The following ITSN1 variants were observed in gnomAD, a reference collection of about 807,000 sequenced individuals.
ITSN1 encodes intersectin-1.
Under a neutral mutation model 239.8 loss-of-function variants are expected in ITSN1, and 58 were observed. The observed-to-expected ratio is 0.24, with a 90% CI of 0.20 to 0.30. The LOEUF (loss-of-function observed/expected upper bound fraction) is 0.30, where lower values mean the gene tolerates loss of function less well. Ranked by LOEUF, ITSN1 falls within the 10% of genes least tolerant of loss-of-function variation. The pLI is 1.00. For synonymous variants in ITSN1, 780 were observed against 770.8 expected (o/e 1.01, Z -0.20); for missense variants, 1,558 against 2,103.3 (o/e 0.74, Z 5.07).
chr21:33,649,482 T>TTA (rs1460743781), intron 1 of ITSN1, among the ~76,000 whole-genome samples: 2 of 152,188 alleles, frequency 1.3e-5, no homozygotes, highest in African/African-American at 4.8e-5. Flanking sequence ...GTAGCTTGCT[T>TTA]TATTAGCTTA....
chr21:33,845,380 C>T (rs928628483), intron 29 of ITSN1, among the ~76,000 whole-genome samples: 44 of 152,250 alleles, frequency 2.9e-4, no homozygotes, highest in Non-Finnish European at 3.5e-4. Flanking sequence ...ACTGAGTCTT[C>T]GACCTGGTCT....
intron 31 of ITSN1, among the ~76,000 whole-genome samples, chr21:33,862,351 T>G (rs1244515923): frequency 6.6e-6 from 1 of 152,172 alleles, no homozygotes; most frequent in African/African-American, 2.4e-5. Flanking sequence ...TGACTCATCT[T>G]CTTTTTAACT....
intron 35 of ITSN1, among the ~76,000 whole-genome samples, chr21:33,883,252 A>G (rs1248038841): frequency 6.6e-6 from 1 of 152,206 alleles, no homozygotes; most frequent in African/African-American, 2.4e-5. Context: ...GGGAACCCAT[A>G]TTTATCATAT....
chr21:33,734,704 A>C (rs1601907443), intron 4 of ITSN1, among the ~76,000 whole-genome samples: 1 of 152,186 alleles, frequency 6.6e-6, no homozygotes, highest in South Asian at 2.1e-4. Flanking sequence ...CATTGGTTTT[A>C]GTTTATTCAC....
chr21:33,891,814 G>T lies in ITSN1; in HGVS notation c.*3514G>T. On this transcript the variant is annotated 3_prime_UTR_variant, in exon 40 of 40. Transcript: ENST00000381318. ...AGTAGGCCAGTACCTTGTATAAGCA[G>T]AAAAAGACTTCTCTATCTCCACTCC... 1 of 152,168 alleles carries T rather than the reference G, an allele frequency of 6.6e-6. No individual in the cohort carries two copies. The highest frequency in any genetic ancestry group is 1.9e-4 in the East Asian group (1 of 5,198). The allele number at this position is 152,168 out of a possible 1,614,324, so 9.4% of individuals were successfully genotyped here.
rs1178445112 is a variant in ITSN1, at chr21:33,886,278, T to C, written c.4844-9T>C. On this transcript the variant is annotated splice_polypyrimidine_tract_variant and intron_variant, in intron 38 of 39. Transcript: ENST00000381318. Reference sequence around the variant, plus strand: ...AGTTCCACCTGGCGAAGGCTTTTGTTCCCTCCAGGAAAGAGCAACCCGTAC... The same window carrying C: ...AGTTCCACCTGGCGAAGGCTTTTGTCCCCTCCAGGAAAGAGCAACCCGTAC... 11 of 1,610,394 alleles carry C rather than the reference T, an allele frequency of 6.8e-6. No individual in the cohort carries two copies. The highest frequency in any genetic ancestry group is 9.3e-6 in the Non-Finnish European group (11 of 1,178,838).
chr21:33,649,540 G>A (rs1162687938), intron 1 of ITSN1, among the ~76,000 whole-genome samples: 2 of 152,114 alleles, frequency 1.3e-5, no homozygotes, highest in African/African-American at 2.4e-5. Flanking sequence ...CAGCTCTCTG[G>A]ACTGAGTTTG....
chr21:33,864,841 C>T lies in ITSN1; in HGVS notation c.3891-310C>T, dbSNP rs535779348. Reference sequence around the variant, plus strand: ...CACATCAACCTGGGGCTTTCACCACCGATAATCTGTGTAGTGAGGCATCGA... The same window carrying T: ...CACATCAACCTGGGGCTTTCACCACTGATAATCTGTGTAGTGAGGCATCGA... On this transcript the variant is annotated intron_variant, in intron 31 of 39. Transcript: ENST00000381318. 8.5e-5 allele frequency among the ~76,000 whole-genome samples: 13 copies of T among 152,176 alleles called. No homozygotes were observed. In the East Asian group the frequency reaches 1.7e-3, roughly 20 times the overall value.
At chr21:33,747,995 G>A (rs1169729402) in intron 5 of ITSN1, among the ~76,000 whole-genome samples, 1 of 152,052 alleles carries the variant, frequency 6.6e-6, no homozygotes, top group Non-Finnish European at 1.5e-5. Context: ...ATTGTATAAA[G>A]TAATAATTAT....
At chr21:33,702,115 T>TAAA (rs1568975034) in intron 1 of ITSN1, among the ~76,000 whole-genome samples, 1 of 998 alleles carries the variant, frequency 1.0e-3, no homozygotes, top group African/African-American at 4.8e-3. Flanking sequence ...TTTTTTTTTT[T>TAAA]TTTTTTTTTT....
At chr21:33,747,206 C>T (rs980023604) in intron 5 of ITSN1, among the ~76,000 whole-genome samples, 14 of 152,152 alleles carry the variant, frequency 9.2e-5, no homozygotes, top group Non-Finnish European at 1.5e-4. Context: ...AAATTTACCA[C>T]AGGGTCTTAA....
intron 4 of ITSN1, among the ~76,000 whole-genome samples, chr21:33,730,388 CTTTTTTTTTTTTTTTTT>C (rs71194863): frequency 2.0e-5 from 1 of 49,348 alleles, no homozygotes. Context: ...GCTCTCTGTT[CTTTTTTTTTTTTTTTTT>C]TTTTTTTTTT....
chr21:33,828,803 C>T lies in ITSN1; in HGVS notation c.3230-821C>T, dbSNP rs2074120671. On this transcript the variant is annotated intron_variant, in intron 26 of 39. Coordinates refer to ENST00000381318, the MANE Select transcript of ITSN1 (RefSeq NM_003024.3). Reference sequence around the variant, plus strand: ...CAGAGAAGGGTTCTGTCTCTTCATACTCAGTCTCCTGGGCCCGTGGAAATG... The same window carrying T: ...CAGAGAAGGGTTCTGTCTCTTCATATTCAGTCTCCTGGGCCCGTGGAAATG... Among the ~76,000 whole-genome samples the T allele has an allele frequency of 2.6e-5, 4 of 152,292 alleles. No individual in the cohort carries two copies. In the South Asian group the frequency reaches 8.3e-4, roughly 32 times the overall value.
chr21:33,744,542 G>A (rs765541416), intron 5 of ITSN1, among the ~76,000 whole-genome samples: 16 of 152,146 alleles, frequency 1.1e-4, no homozygotes, highest in South Asian at 2.1e-4. Context: ...CATCCTTAGC[G>A]TCCAGATTGT....
intron 20 of ITSN1, among the ~76,000 whole-genome samples, chr21:33,805,704 C>T (rs974621194): frequency 6.6e-6 from 1 of 151,896 alleles, no homozygotes; most frequent in Non-Finnish European, 1.5e-5. Context: ...CGGAGTCTCT[C>T]TCTGTCGCCC....
chr21:33,677,686 A>T (rs76082703), intron 1 of ITSN1, among the ~76,000 whole-genome samples: 2 of 152,180 alleles, frequency 1.3e-5, no homozygotes, highest in African/African-American at 4.8e-5. Flanking sequence ...CGCACACCCC[A>T]GTCCTTTCTC....
intron 1 of ITSN1, among the ~76,000 whole-genome samples, chr21:33,702,141 A>C (rs1423139214): frequency 6.8e-6 from 1 of 147,204 alleles, no homozygotes; most frequent in East Asian, 2.0e-4. Flanking sequence ...TTTTAGACGG[A>C]GTCTTGCTCC....
At chr21:33,884,250 G>T (rs562136161) in intron 36 of ITSN1, among the ~76,000 whole-genome samples, 1 of 151,894 alleles carries the variant, frequency 6.6e-6, no homozygotes, top group Non-Finnish European at 1.5e-5. Context: ...GAAATGTTTC[G>T]CATTCTTTGA....
intron 28 of ITSN1, among the ~76,000 whole-genome samples, chr21:33,835,527 C>CT (rs1407673182): frequency 6.6e-6 from 1 of 152,150 alleles, no homozygotes; most frequent in African/African-American, 2.4e-5. Flanking sequence ...ATTTTACCTC[C>CT]TGTAAGCTTG....
Sources: allele counts gnomAD v4.1 joint callset (sites outside exome capture counted in the v4.1 genomes callset), GRCh38; gene constraint gnomAD v4.1.1; transcripts MANE v1.5; gene names NCBI Gene and HGNC (gene_info 2026-07-23, HGNC 2026-07-21).